The following RYR3 variants were observed in gnomAD, a reference collection of about 807,000 sequenced individuals.
The protein encoded by RYR3 is ryanodine receptor 3.
Under a neutral mutation model 584.3 loss-of-function variants are expected in RYR3, and 207 were observed. The ratio of observed to expected loss-of-function variants is 0.35; its 90% CI spans 0.32 to 0.40. The LOEUF (loss-of-function observed/expected upper bound fraction) is 0.40. Ranked by LOEUF, RYR3 falls within the 10% of genes least tolerant of loss-of-function variation. The pLI is 1.00. For missense variants in RYR3, 5,616 were observed against 6,089.2 expected (o/e 0.92, Z 2.59); for synonymous variants, 2,416 against 2,248.5 (o/e 1.07, Z -2.11).
chr15:33,755,012 G>T, intron 57 of RYR3, 53 bp from the exon 58 acceptor site: 1 of 962,464 alleles, frequency 1.0e-6, no homozygotes, highest in Non-Finnish European at 1.7e-6. Context: ...TGGTGCACCT[G>T]AGTGACATGG....
rs1433468129 is a variant in RYR3 at position 33,859,500 on chromosome 15, TATGA to T, written c.14143-70_14143-67del. ...GGGCTGCCACAATCTGACCGAATCA[TATGA>T]ATGATCTGAGCATCTTGCTAAAAAC... On this transcript the variant is annotated intron_variant, in intron 99 of 103. Coordinates refer to ENST00000634891, the MANE Select transcript of RYR3 (RefSeq NM_001036.6). The T allele has an allele frequency of 7.8e-6, 12 of 1,543,492 alleles. No homozygotes were observed. In the African/African-American group the frequency reaches 1.4e-4, roughly 18 times the overall value.
At chr15:33,682,312 T>C (rs868719306) in intron 38 of RYR3, among the ~76,000 whole-genome samples, 1 of 152,092 alleles carries the variant, frequency 6.6e-6, no homozygotes, top group Non-Finnish European at 1.5e-5. Context: ...TCTTTGTTAT[T>C]ATGTAAAAGG....
intron 81 of RYR3, among the ~76,000 whole-genome samples, chr15:33,823,824 A>T (rs2077234135): frequency 6.6e-6 from 1 of 152,210 alleles, no homozygotes. Flanking sequence ...TCTAAAAGAA[A>T]TTAAACTTTT....
At chr15:33,764,332 A>T (rs2072805351) in intron 60 of RYR3, among the ~76,000 whole-genome samples, 1 of 152,184 alleles carries the variant, frequency 6.6e-6, no homozygotes, top group South Asian at 2.1e-4. Context: ...CAGGAACAGA[A>T]AACCAAGTAC....
At chr15:33,679,136 A>T (rs575506198) in intron 38 of RYR3, among the ~76,000 whole-genome samples, 120 of 152,200 alleles carry the variant, frequency 7.9e-4, no homozygotes, top group African/African-American at 2.7e-3. Context: ...CACAGACCAC[A>T]GAGGGCATGA....
In RYR3 at chr15:33,859,816, G is replaced by A. The variant is rs1215108985; in HGVS notation, c.14299+85G>A. On this transcript the variant is annotated intron_variant, in intron 100 of 103. Transcript: ENST00000634891. ...TCCATCTATGACTTAATTGGTTTAT[G>A]AAGAAGCGTGTGAATTCATTTACTT... 4 of 1,357,828 alleles carry A rather than the reference G, an allele frequency of 2.9e-6. No homozygotes were observed. In the African/African-American group the frequency reaches 5.8e-5, roughly 20 times the overall value. 84.1% of individuals were successfully genotyped at this position (1,357,828 alleles called of 1,614,324 possible).
At chr15:33,523,539 G>A (rs6495134) in intron 3 of RYR3, among the ~76,000 whole-genome samples, 104,189 of 151,826 alleles carry the variant, frequency 0.69, 36,092 homozygotes, top group African/African-American at 0.77. Context: ...GAAGGAACCA[G>A]TTCCGGACAC....
intron 36 of RYR3, among the ~76,000 whole-genome samples, chr15:33,668,898 C>G (rs1022562000): frequency 3.3e-5 from 5 of 152,084 alleles, no homozygotes; most frequent in African/African-American, 4.8e-5. Flanking sequence ...TATGTCATAA[C>G]AGAGTTAATT....
intron 40 of RYR3, 101 bp from the exon 41 acceptor site, chr15:33,699,603 C>T: frequency 1.9e-6 from 2 of 1,037,362 alleles, no homozygotes; most frequent in South Asian, 1.9e-5. Flanking sequence ...TTCATTTTTC[C>T]AAGTGTTCAC....
chr15:33,587,690 A>G lies in RYR3; in HGVS notation c.1788+1574A>G, dbSNP rs114014562. On this transcript the variant is annotated intron_variant, in intron 16 of 103. Transcript: ENST00000634891. ...AAGCAATGTGATCTTGGTACATAAG[A>G]GTCTTTTCAAAGACGTTCCTTTTCC... 5.5e-3 allele frequency among the ~76,000 whole-genome samples: 843 copies of G among 152,340 alleles called. 9 individuals are homozygous for G. The highest frequency in any genetic ancestry group is 0.019 in the African/African-American group (791 of 41,574).
chr15:33,613,957 G>A (rs2060326620), intron 19 of RYR3, among the ~76,000 whole-genome samples: 1 of 152,100 alleles, frequency 6.6e-6, no homozygotes, highest in East Asian at 1.9e-4. Context: ...TGCTGTTCAA[G>A]TCTATGCCAA....
chr15:33,385,770 T>G (rs1276536007), intron 1 of RYR3, among the ~76,000 whole-genome samples: 1 of 148,078 alleles, frequency 6.8e-6, no homozygotes, highest in Non-Finnish European at 1.5e-5. Context: ...GTGGCATTAT[T>G]ATGGCTCACT....
chr15:33,576,686 T>C (rs2058316516), intron 12 of RYR3, among the ~76,000 whole-genome samples: 1 of 152,190 alleles, frequency 6.6e-6, no homozygotes, highest in Non-Finnish European at 1.5e-5. Context: ...GCTGGAAGCA[T>C]TCCCCCTTGA....
At chr15:33,346,312 CTG>C (rs1217524183) in intron 1 of RYR3, among the ~76,000 whole-genome samples, 2 of 152,206 alleles carry the variant, frequency 1.3e-5, no homozygotes, top group Non-Finnish European at 2.9e-5. Flanking sequence ...AAAGAGAACA[CTG>C]TGACATTTTA....
At chr15:33,380,132 A>T (rs1456040777) in intron 1 of RYR3, among the ~76,000 whole-genome samples, 2 of 152,134 alleles carry the variant, frequency 1.3e-5, no homozygotes, top group Non-Finnish European at 2.9e-5. Context: ...CTCTGGCAAC[A>T]TCCTCACAAA....
At position 33,663,623 on chromosome 15, in the gene RYR3, C is replaced by T. The variant is rs778467594; in HGVS notation, c.5505C>T (p.Ser1835=). The change falls in exon 36 of 104, where the codon TCC becomes TCT. Residue 1835 remains serine, a synonymous_variant. Transcript: ENST00000634891. ...TGGCATTTGGTGACATTTATGTCTC[C>T]AAGCTGCAGGCAAATCAGAAGTTCC... ...AIVAFGDIYV[S]KLQANQKFRY... is the part of the protein sequence containing the mutation. 4 of 1,613,432 alleles carry T rather than the reference C, an allele frequency of 2.5e-6. No individual in the cohort carries two copies. The East Asian group carries it at 6.7e-5, about 27-fold the overall frequency.
chr15:33,632,914 C>G (rs760772152), intron 23 of RYR3, 35 bp from the exon 24 acceptor site: 3 of 1,571,004 alleles, frequency 1.9e-6, no homozygotes, highest in South Asian at 1.2e-5. Context: ...TCATGGAGAT[C>G]TGTTAAAAAT....
Position 33,854,320 on chromosome 15 carries a change from T to C in RYR3, c.13800-69T>C, listed in dbSNP as rs889082475. ...AAACCTGAGAGAAAAAACTTACTTT[T>C]TCCCCCTTATTGAGCACTTAACTAC... On this transcript the variant is annotated intron_variant, in intron 96 of 103. Transcript: ENST00000634891. 6 of 1,328,080 alleles carry C rather than the reference T, an allele frequency of 4.5e-6. No homozygotes were observed. In the African/African-American group the frequency reaches 6.0e-5, roughly 13 times the overall value. 82.3% of individuals were successfully genotyped at this position (1,328,080 alleles called of 1,614,324 possible). A position where few individuals can be genotyped will look rare whatever the true frequency, so the allele number is the denominator to read the frequency against.
Position 33,837,817 on chromosome 15 carries a change from A to C in RYR3, c.11837A>C (p.Lys3946Thr). 6 of 1,614,020 alleles carry C rather than the reference A, an allele frequency of 3.7e-6. No homozygotes were observed. Among genetic ancestry groups the C allele is most frequent in the Non-Finnish European group, 4.2e-6 (5 of 1,179,890 alleles). ...ATTATCTCCAAAAAAGAATTCCAGA[A>C]GGCCATGGAAGGGCAAAAACAGTAC... Reference protein sequence around the residue: ...KGIISKKEFQKAMEGQKQYTQ... With the variant: ...KGIISKKEFQTAMEGQKQYTQ... Residue 3946 changes from lysine to threonine, a missense_variant, in exon 89 of 104, where the codon AAG (lysine) becomes ACG (threonine). Coordinates refer to ENST00000634891, the MANE Select transcript of RYR3 (RefSeq NM_001036.6).
Sources: gnomAD v4.1 joint callset for allele counts (sites outside exome capture counted in the v4.1 genomes callset) on GRCh38, gnomAD v4.1.1 for gene constraint, MANE v1.5 for transcripts, NCBI Gene and HGNC (gene_info 2026-07-23, HGNC 2026-07-21) for gene names.